The following CAMK1D variants were observed in gnomAD, a reference collection of about 807,000 sequenced individuals.
CAMK1D encodes the protein calcium/calmodulin dependent protein kinase ID.
In CAMK1D, 9 loss-of-function variants were observed where a neutral mutation model predicts 47.7. The observed-to-expected ratio is 0.19, with a 90% CI of 0.11 to 0.33. The LOEUF is 0.33. Ranked by LOEUF, CAMK1D falls within the 10% of genes least tolerant of loss-of-function variation. The probability of loss-of-function intolerance (pLI) is 1.00; values close to 1 mark genes in which losing one functional copy is unlikely to be tolerated. For missense variants in CAMK1D, 291 were observed against 488.7 expected (o/e 0.60, Z 3.81); for synonymous variants, 184 against 184.9 (o/e 0.99, Z 0.04).
intron 1 of CAMK1D, among the ~76,000 whole-genome samples, chr10:12,387,411 A>ATAT (rs1838548972): frequency 5.4e-5 from 2 of 37,354 alleles, no homozygotes; most frequent in African/African-American, 1.3e-4. Context: ...TATATATTAT[A>ATAT]TATATTTTAT....
At chr10:12,618,811 G>GTTTA (rs1163124763) in intron 2 of CAMK1D, among the ~76,000 whole-genome samples, 9 of 152,172 alleles carry the variant, frequency 5.9e-5, no homozygotes, top group African/African-American at 2.2e-4. Context: ...AATAGTTGCA[G>GTTTA]TTTATTTGTC....
At chr10:12,568,938 A>G (rs540081026) in intron 2 of CAMK1D, among the ~76,000 whole-genome samples, 1 of 152,362 alleles carries the variant, frequency 6.6e-6, no homozygotes, top group South Asian at 2.1e-4. Flanking sequence ...AAAAGATAAT[A>G]TGCCTCTTTA....
chr10:12,585,575 G>T (rs1166649025), intron 2 of CAMK1D, among the ~76,000 whole-genome samples: 2 of 152,192 alleles, frequency 1.3e-5, no homozygotes, highest in Non-Finnish European at 2.9e-5. Flanking sequence ...ATGGGAGAAG[G>T]TGAATGGCAC....
At chr10:12,624,787 C>T (rs1473786122) in intron 2 of CAMK1D, among the ~76,000 whole-genome samples, 2 of 152,116 alleles carry the variant, frequency 1.3e-5, no homozygotes, top group African/African-American at 4.8e-5. Context: ...CTTCCCATTT[C>T]TCTTGAACCC....
intron 2 of CAMK1D, among the ~76,000 whole-genome samples, chr10:12,583,397 A>G (rs1159148502): frequency 6.6e-6 from 1 of 152,114 alleles, no homozygotes; most frequent in African/African-American, 2.4e-5. Context: ...TTAGTCAGCT[A>G]TGTTTTAGGA....
intron 2 of CAMK1D, among the ~76,000 whole-genome samples, chr10:12,564,167 C>A (rs1225419815): frequency 6.6e-6 from 1 of 151,254 alleles, no homozygotes; most frequent in African/African-American, 2.4e-5. Context: ...CTCTCTCTCT[C>A]TCTCTCTCTC....
intron 2 of CAMK1D, among the ~76,000 whole-genome samples, chr10:12,639,607 G>A (rs978387750): frequency 3.3e-5 from 5 of 151,838 alleles, no homozygotes; most frequent in African/African-American, 7.3e-5. Flanking sequence ...GAGCATTTTC[G>A]TCTGCATTTT....
chr10:12,579,523 A>G (rs528619476), intron 2 of CAMK1D, among the ~76,000 whole-genome samples: 11 of 152,104 alleles, frequency 7.2e-5, no homozygotes, highest in Non-Finnish European at 1.5e-4. Context: ...GGCCTTCTGT[A>G]TTTGGGGGTC....
At chr10:12,753,576 G>A (rs1836086966) in intron 3 of CAMK1D, among the ~76,000 whole-genome samples, 5 of 152,186 alleles carry the variant, frequency 3.3e-5, no homozygotes, top group Admixed American at 3.3e-4. Context: ...TGTGGTCCTT[G>A]GGATCTTAGA....
chr10:12,799,849 G>T (rs894179877), intron 6 of CAMK1D, among the ~76,000 whole-genome samples: 1 of 152,048 alleles, frequency 6.6e-6, no homozygotes, highest in Non-Finnish European at 1.5e-5. Flanking sequence ...GTCATGCTTG[G>T]GGATGTGTTT....
At chr10:12,762,922 G>A (rs954003699) in intron 4 of CAMK1D, among the ~76,000 whole-genome samples, 12 of 152,290 alleles carry the variant, frequency 7.9e-5, no homozygotes, top group African/African-American at 2.2e-4. Context: ...GAACACGTTC[G>A]TGTGGTGACC....
chr10:12,534,614 C>A (rs1835911229), intron 1 of CAMK1D, among the ~76,000 whole-genome samples: 1 of 152,206 alleles, frequency 6.6e-6, no homozygotes, highest in Non-Finnish European at 1.5e-5. Flanking sequence ...GATCTGCCCA[C>A]CTCGGCCTCC....
intron 2 of CAMK1D, among the ~76,000 whole-genome samples, chr10:12,573,055 C>T (rs993521207): frequency 5.9e-5 from 9 of 152,178 alleles, no homozygotes; most frequent in Admixed American, 4.6e-4. Context: ...AATGCTGGGA[C>T]CATTGACAGA....
intron 1 of CAMK1D, among the ~76,000 whole-genome samples, chr10:12,504,296 G>A (rs1834803544): frequency 6.6e-6 from 1 of 151,732 alleles, no homozygotes; most frequent in Admixed American, 6.6e-5. Flanking sequence ...AATTCAGTCC[G>A]ACAGTCCAAG....
rs78880569 is a variant in CAMK1D, at chr10:12,367,613, G to A, written c.92+17703G>A. ...AGCCACCTGGGGGTGATGGGAGACA[G>A]TGAGGGCTCCTCAGGCATTAGATTC... On this transcript the variant is annotated intron_variant, in intron 1 of 10. Coordinates refer to ENST00000619168, the MANE Select transcript of CAMK1D (RefSeq NM_153498.4). 3.6e-3 allele frequency among the ~76,000 whole-genome samples: 542 copies of A among 152,234 alleles called. 7 individuals carry two copies. The East Asian group carries it at 0.036, about 10-fold the overall frequency.
Position 12,454,268 on chromosome 10 carries a change from T to G in CAMK1D, c.93-98957T>G, listed in dbSNP as rs537578653. On this transcript the variant is annotated intron_variant, in intron 1 of 10. Coordinates refer to ENST00000619168, the MANE Select transcript of CAMK1D (RefSeq NM_153498.4). ...ACCTCCGCCTCCTGGGTTCAAGCAATTCCCCTGCCTCAGCCTCCTGAGTAG... is the reference window on the plus strand; with the variant it reads ...ACCTCCGCCTCCTGGGTTCAAGCAAGTCCCCTGCCTCAGCCTCCTGAGTAG... 2.0e-5 allele frequency among the ~76,000 whole-genome samples: 3 copies of G among 152,316 alleles called. No individual in the cohort carries two copies. In the South Asian group the frequency reaches 6.2e-4, roughly 32 times the overall value.
At chr10:12,414,089 A>C (rs537540417) in intron 1 of CAMK1D, among the ~76,000 whole-genome samples, 1 of 152,344 alleles carries the variant, frequency 6.6e-6, no homozygotes, top group African/African-American at 2.4e-5. Flanking sequence ...TAGTTGGGAA[A>C]ATTGTACAGC....
rs889992825 is a variant in CAMK1D at position 12,501,000 on chromosome 10, G to A, written c.93-52225G>A. Among the ~76,000 whole-genome samples the A allele has an allele frequency of 3.9e-5, 6 of 152,204 alleles. No individual in the cohort carries two copies. In the East Asian group the frequency reaches 9.7e-4, roughly 25 times the overall value. On this transcript the variant is annotated intron_variant, in intron 1 of 10. Coordinates refer to ENST00000619168, the MANE Select transcript of CAMK1D (RefSeq NM_153498.4). The stretch of plus-strand genomic sequence containing the variant: ...GGAAAGTGAAGCTTCCAGAGGCAAC[G>A]TGCCAAAGACCTCTGGGCTAATCAT...
chr10:12,640,377 C>T (rs1340228118), intron 2 of CAMK1D, among the ~76,000 whole-genome samples: 4 of 152,060 alleles, frequency 2.6e-5, no homozygotes, highest in Non-Finnish European at 1.5e-5. Flanking sequence ...GTGCCTAGGT[C>T]GTCTCACTGC....
Sources: allele counts gnomAD v4.1 joint callset (sites outside exome capture counted in the v4.1 genomes callset), GRCh38; gene constraint gnomAD v4.1.1; transcripts MANE v1.5; gene names NCBI Gene and HGNC (gene_info 2026-07-23, HGNC 2026-07-21).